Variants in ART5 observed in about 807,000 individuals in gnomAD.
ART5 encodes the protein ADP-ribosyltransferase 5.
In ART5, 22 loss-of-function variants were observed where a neutral mutation model predicts 25.0. That is an observed-to-expected ratio of 0.88 (90% CI 0.63 to 1.26). ART5 has a LOEUF of 1.26. Among genes scored for constraint, ART5 ranks in the 50% most tolerant of loss-of-function variants. The pLI is 0.00. For synonymous variants in ART5, 161 were observed against 154.8 expected (o/e 1.04, Z -0.30); for missense variants, 402 against 372.8 (o/e 1.08, Z -0.64).
upstream of ART5, chr11:3,642,043 C>CCCCCT: frequency 7.0e-7 from 1 of 1,429,388 alleles, no homozygotes; most frequent in South Asian, 1.5e-5. Flanking sequence ...GCCCGCCCCC[C>CCCCCT]GCCCCAAGTC....
chr11:3,640,308 C>G lies in ART5; in HGVS notation c.121G>C (p.Gly41Arg). The G allele has an allele frequency of 6.2e-7, 1 of 1,612,780 alleles. No individual in the cohort carries two copies. The highest frequency in any genetic ancestry group is 1.1e-5 in the South Asian group (1 of 91,064). ...APDTFDDTYV[G>R]CAEEMEEKAA... ...TTCTCCTCCATCTCCTCTGCACAAC[C>G]CACATAGGTATCGTCAAAGGTGTCT... is the stretch of plus-strand genomic sequence containing the variant. Residue 41 changes from glycine to arginine, a missense_variant, in exon 2 of 4, where the codon GGT becomes CGT. Physicochemically the swap from Gly to Arg is moderately radical, Grantham distance 125. Coordinates refer to ENST00000397068, the MANE Select transcript of ART5 (RefSeq NM_053017.5).
rs186753401 is a variant in ART5, at chr11:3,639,937, G to A, written c.492C>T (p.Ser164=). The change falls in exon 2 of 4, where the codon AGC becomes AGT. Residue 164 remains serine, a synonymous_variant. Transcript: ENST00000397068. The part of the protein sequence containing the change: ...PGEVVFRGVG[S]LRFEPKRLGD... ...CCAGCCTCTTGGGTTCAAAGCGAAG[G>A]CTGCCCACACCTCGGAACACCACCT... 45 of 1,614,156 alleles carry A rather than the reference G, an allele frequency of 2.8e-5. No homozygotes were observed. The African/African-American group carries it at 4.8e-4, about 17-fold the overall frequency.
rs985346513 is a variant in ART5 at position 3,638,627 on chromosome 11, A to G, written c.*111T>C. On this transcript the variant is annotated 3_prime_UTR_variant, in exon 4 of 4. Transcript: ENST00000397068. ...AGTACTTTCCTTGCTTGTCCCAGGA[A>G]GTCCCCATCACATAGCAGAGTTCCC... 3.8e-6 allele frequency: 5 copies of G among 1,322,274 alleles called. No individual in the cohort carries two copies. The Admixed American group carries it at 7.1e-5, about 19-fold the overall frequency. 81.9% of individuals were successfully genotyped at this position (1,322,274 alleles called of 1,614,324 possible). A position where few individuals can be genotyped will look rare whatever the true frequency, so the allele number is the denominator to read the frequency against.
intron 2 of ART5, among the ~76,000 whole-genome samples, 199 bp downstream of exon 2, chr11:3,639,443 G>T (rs912664731): frequency 5.3e-5 from 8 of 152,186 alleles, no homozygotes; most frequent in African/African-American, 1.9e-4. Context: ...AATCATCTAA[G>T]AATGTTCACG....
At chr11:3,640,412 T>C in intron 1 of ART5, 41 bp from the exon 2 acceptor site, 1 of 1,538,000 alleles carries the variant, frequency 6.5e-7, no homozygotes, top group South Asian at 1.3e-5. Context: ...AGAGCATAAG[T>C]TCAGAGCACT....
At chr11:3,642,264 C>T, upstream of ART5, 1 of 1,056,332 alleles carries the variant, frequency 9.5e-7, no homozygotes. Flanking sequence ...CGGAGTCCGG[C>T]TGAAAGCAAA....
Position 3,638,781 on chromosome 11 carries a change from G to A in ART5, c.833C>T (p.Thr278Met), listed in dbSNP as rs750669805. ...CCTCTTCGTCATATGAAGGTCACCCGTTCCCAGGGCTCCTAAGTGGCAGAT... is the reference window on the plus strand; with the variant it reads ...CCTCTTCGTCATATGAAGGTCACCCATTCCCAGGGCTCCTAAGTGGCAGAT... ...GCVSAPGALG[T>M]GDLHMTKRHL... Residue 278 changes from threonine (T) to methionine (M), a missense_variant, in exon 4 of 4, where the codon ACG becomes ATG. Transcript: ENST00000397068. 9.9e-5 allele frequency: 159 copies of A among 1,614,006 alleles called. No homozygotes were observed. The highest frequency in any genetic ancestry group is 1.6e-4 in the Middle Eastern group (1 of 6,084).
In ART5 at chr11:3,640,077, C is replaced by T. The variant is rs752703581; in HGVS notation, c.352G>A (p.Gly118Arg). The T allele has an allele frequency of 4.1e-5, 66 of 1,614,086 alleles. No homozygotes were observed. Among genetic ancestry groups the T allele is most frequent in the Admixed American group, 8.3e-5 (5 of 60,012 alleles). ...CTCATGTAGAGCTCCCGGGAGCCTCCGCCCGTCCGCACGGCCTGATTCAAC... is the reference window on the plus strand; with the variant it reads ...CTCATGTAGAGCTCCCGGGAGCCTCTGCCCGTCCGCACGGCCTGATTCAAC... ...WELNQAVRTG[G>R]GSRELYMRHF... The change falls in exon 2 of 4, where the codon GGA (glycine) becomes AGA (arginine). Residue 118 changes from glycine (G) to arginine (R), a missense_variant. By Grantham distance (125) the Gly-to-Arg change is moderately radical. Transcript: ENST00000397068.
Position 3,641,926 on chromosome 11 carries a change from G to A in ART5, c.-64C>T. 7 of 1,541,034 alleles carry A rather than the reference G, an allele frequency of 4.5e-6. No individual in the cohort carries two copies. The South Asian group carries it at 7.1e-5, about 16-fold the overall frequency. On this transcript the variant is annotated 5_prime_UTR_variant, in exon 1 of 4. Coordinates refer to ENST00000397068, the MANE Select transcript of ART5 (RefSeq NM_053017.5). ...GCGGGACCAGAGGTGCTGGAGTCCTGGTTTCGAGGGGCTGGAGGCAGATCT... is the reference window on the plus strand; with the variant it reads ...GCGGGACCAGAGGTGCTGGAGTCCTAGTTTCGAGGGGCTGGAGGCAGATCT...
chr11:3,639,189 AG>A (rs1389026624), intron 2 of ART5, among the ~76,000 whole-genome samples, 154 bp from the exon 3 acceptor site: 4 of 152,108 alleles, frequency 2.6e-5, no homozygotes, highest in African/African-American at 9.7e-5. Flanking sequence ...TCCGTCCTCC[AG>A]GAACTCTTTC....
At chr11:3,642,359 C>T, upstream of ART5, 1 of 916,538 alleles carries the variant, frequency 1.1e-6, no homozygotes, top group Non-Finnish European at 1.3e-6. Flanking sequence ...AGCGGGCGCG[C>T]CAGGGCAGGG....
In ART5 at chr11:3,639,780, G is replaced by A. The variant is rs762733263; in HGVS notation, c.649C>T (p.Pro217Ser). The change falls in exon 2 of 4, where the codon CCC (proline) becomes TCC (serine). Residue 217 changes from proline (P) to serine (S), a missense_variant. Physicochemically the swap from Pro to Ser is moderately conservative, Grantham distance 74. Transcript: ENST00000397068. ...GGAATCAGCACCTCGCGCTCCTTGGGAAAGACAGAGAAGGCCTGTATAGGG... is the reference window on the plus strand; with the variant it reads ...GGAATCAGCACCTCGCGCTCCTTGGAAAAGACAGAGAAGGCCTGTATAGGG... ...GAPIQAFSVF[P>S]KEREVLIPPH... 6.2e-7 allele frequency: 1 copy of A among 1,614,184 alleles called. No individual in the cohort carries two copies. Among genetic ancestry groups the A allele is most frequent in the Non-Finnish European group, 8.5e-7 (1 of 1,180,028 alleles).
chr11:3,640,858 C>T (rs182028121), intron 1 of ART5, among the ~76,000 whole-genome samples: 2 of 152,352 alleles, frequency 1.3e-5, no homozygotes, highest in African/African-American at 4.8e-5. Context: ...TCTCCTCTCT[C>T]AGCCTCCCAA....
upstream of ART5, chr11:3,642,151 G>C (rs910089264): frequency 6.2e-5 from 80 of 1,282,518 alleles, no homozygotes; most frequent in Non-Finnish European, 7.5e-5. Context: ...CCGCCTGAGA[G>C]GGGAGGGCCG....
At chr11:3,640,397 C>G (rs184187230) in intron 1 of ART5, 26 bp from the exon 2 acceptor site, 6 of 1,558,946 alleles carry the variant, frequency 3.8e-6, no homozygotes, top group Non-Finnish European at 5.2e-6. Flanking sequence ...GGTGCCACAC[C>G]GAAAAGAGCA....
In ART5 at chr11:3,638,762, C is replaced by T. The variant is rs769288609; in HGVS notation, c.852G>A (p.Thr284=). 5.6e-6 allele frequency: 9 copies of T among 1,614,040 alleles called. No individual in the cohort carries two copies. Among genetic ancestry groups the T allele is most frequent in the African/African-American group, 2.7e-5 (2 of 74,932 alleles). ...GALGTGDLHM[T]KRHLQQP Reference sequence around the variant, plus strand: ...CTCAAGGCTGCTGGAGGTGCCTCTTCGTCATATGAAGGTCACCCGTTCCCA... The same window carrying T: ...CTCAAGGCTGCTGGAGGTGCCTCTTTGTCATATGAAGGTCACCCGTTCCCA... The change falls in exon 4 of 4, where the codon ACG becomes ACA. Residue 284 remains threonine (T), a synonymous_variant. Coordinates refer to ENST00000397068, the MANE Select transcript of ART5 (RefSeq NM_053017.5).
At chr11:3,639,267 C>T (rs150802326) in intron 2 of ART5, among the ~76,000 whole-genome samples, 250 of 152,360 alleles carry the variant, frequency 1.6e-3, no homozygotes, top group African/African-American at 5.6e-3. Flanking sequence ...CCTGCCTTAG[C>T]ACTTGGGAAT....
At chr11:3,642,192 A>G (rs3813888), upstream of ART5, 521,764 of 1,182,170 alleles carry the variant, frequency 0.44, 117,547 homozygotes, top group African/African-American at 0.64. Context: ...AGGCTGCGGA[A>G]GCCGCCAGCG....
At position 3,639,042 on chromosome 11, in the gene ART5, C is replaced by G. The variant is rs2077353182; in HGVS notation, c.788-7G>C. On this transcript the variant is annotated splice_polypyrimidine_tract_variant and splice_region_variant and intron_variant, in intron 2 of 3. Coordinates refer to ENST00000397068, the MANE Select transcript of ART5 (RefSeq NM_053017.5). Reference sequence around the variant, plus strand: ...CAGCCCCGCCTCTTCTCCCCTGCAACAGACAGCAGGGTGAGGCCTCCGCGT... The same window carrying G: ...CAGCCCCGCCTCTTCTCCCCTGCAAGAGACAGCAGGGTGAGGCCTCCGCGT... 3 of 1,551,824 alleles carry G rather than the reference C, an allele frequency of 1.9e-6. No individual in the cohort carries two copies. The highest frequency in any genetic ancestry group is 2.6e-6 in the Non-Finnish European group (3 of 1,147,828).
Sources: gnomAD v4.1 joint callset for allele counts (sites outside exome capture counted in the v4.1 genomes callset) on GRCh38, gnomAD v4.1.1 for gene constraint, MANE v1.5 for transcripts, NCBI Gene and HGNC (gene_info 2026-07-23, HGNC 2026-07-21) for gene names.